The following L3MBTL3 variants were observed in gnomAD, a reference collection of about 807,000 sequenced individuals.
The protein encoded by L3MBTL3 is L3MBTL histone methyl-lysine binding protein 3.
L3MBTL3 carries 27 observed loss-of-function variants against 102.3 expected under a neutral mutation model. The observed-to-expected ratio is 0.26, with a 90% confidence interval of 0.19 to 0.36. The LOEUF is 0.36. Ranked by LOEUF, L3MBTL3 falls within the 10% of genes least tolerant of loss-of-function variation. L3MBTL3 has a pLI of 1.00. For synonymous variants in L3MBTL3, 340 were observed against 320.9 expected (o/e 1.06, Z -0.64); for missense variants, 798 against 955.3 (o/e 0.84, Z 2.17).
intron 15 of L3MBTL3, among the ~76,000 whole-genome samples, chr6:130,085,763 A>G (rs1019259573): frequency 7.9e-5 from 12 of 151,584 alleles, no homozygotes; most frequent in African/African-American, 2.9e-4. Context: ...TCTTTTTTTA[A>G]TTTTTATTTT....
intron 16 of L3MBTL3, 42 bp from the exon 17 acceptor site, chr6:130,092,703 T>G (rs778938683): frequency 7.7e-7 from 1 of 1,303,700 alleles, no homozygotes; most frequent in Non-Finnish European, 1.1e-6. Context: ...GTAGGAACTT[T>G]TATGACTTAA....
At position 130,087,121 on chromosome 6, in the gene L3MBTL3, C is replaced by G. The variant is rs533635948; in HGVS notation, c.1518+871C>G. ...GCTGTAGGAGTCTTAAGTTTATGCC[C>G]TTTTTAAAAAAATTACATTCTCAAC... On this transcript the variant is annotated intron_variant, in intron 16 of 22. Transcript: ENST00000361794. 1.4e-4 allele frequency among the ~76,000 whole-genome samples: 22 copies of G among 152,018 alleles called. No homozygotes were observed. In the South Asian group the frequency reaches 1.7e-3, roughly 12 times the overall value.
chr6:130,041,928 TC>T (rs1327613782), intron 2 of L3MBTL3, among the ~76,000 whole-genome samples: 2 of 152,200 alleles, frequency 1.3e-5, no homozygotes, highest in African/African-American at 4.8e-5. Context: ...CTAGATTCTT[TC>T]AGTGGACAAA....
intron 13 of L3MBTL3, among the ~76,000 whole-genome samples, chr6:130,076,280 C>G (rs1266483544): frequency 6.6e-6 from 1 of 152,166 alleles, no homozygotes; most frequent in East Asian, 1.9e-4. Context: ...TTGACTCTGG[C>G]TGAAACTGCA....
chr6:130,026,306 T>C (rs1023331836), intron 2 of L3MBTL3, among the ~76,000 whole-genome samples: 1 of 152,146 alleles, frequency 6.6e-6, no homozygotes, highest in Non-Finnish European at 1.5e-5. Context: ...CTGGGTATTA[T>C]TTTTTGTCTT....
chr6:130,083,661 GA>G lies in L3MBTL3; in HGVS notation c.1365del (p.Glu456LysfsTer14). 6.5e-7 allele frequency: 1 copy of G among 1,547,686 alleles called. No individual in the cohort carries two copies. Among genetic ancestry groups the G allele is most frequent in the Non-Finnish European group, 8.7e-7 (1 of 1,147,756 alleles). ...ACATTTTTCTTGGGATAAATACTTA[GA>G]AGAAACCAATTCTTTACCTGCTCCT... ...VKHFSWDKYLEETNSLPAPAR... is the reference protein window; with the variant it reads ...VKHFSWDKYLXETNSLPAPAR... On this transcript the variant is annotated frameshift_variant, in exon 15 of 23. Transcript: ENST00000361794. LOFTEE classifies it high-confidence loss of function.
rs574739858 is a variant in L3MBTL3 at position 130,105,863 on chromosome 6, C to T, written c.1886+1288C>T. 6.6e-5 allele frequency among the ~76,000 whole-genome samples: 10 copies of T among 152,230 alleles called. No homozygotes were observed. The South Asian group carries it at 1.5e-3, about 22-fold the overall frequency. ...TTGTCTGGTTGCTTGGTCCAAATACCTGGAGCCAAAGTCTTCTCACAGAGC... is the reference window on the plus strand; with the variant it reads ...TTGTCTGGTTGCTTGGTCCAAATACTTGGAGCCAAAGTCTTCTCACAGAGC... On this transcript the variant is annotated intron_variant, in intron 19 of 22. Coordinates refer to ENST00000361794, the MANE Select transcript of L3MBTL3 (RefSeq NM_032438.4).
At chr6:130,088,299 CA>C (rs1489770205) in intron 16 of L3MBTL3, among the ~76,000 whole-genome samples, 1 of 152,052 alleles carries the variant, frequency 6.6e-6, no homozygotes, top group Non-Finnish European at 1.5e-5. Context: ...ATACAGGGGT[CA>C]GTGACTAAGT....
Position 130,019,976 on chromosome 6 carries a change from AGGCGGCGGCGGCGGTCGC to A in L3MBTL3, c.-95+1325_-95+1342del, listed in dbSNP as rs1274727830. ...GGCGCGGGCGCGGGCGTGTGTCGGG[AGGCGGCGGCGGCGGTCGC>A]GGCGGCGGCGGCCGCGCCGGGGCGG... is the stretch of plus-strand genomic sequence containing the variant. On this transcript the variant is annotated intron_variant, in intron 1 of 22. Coordinates refer to ENST00000361794, the MANE Select transcript of L3MBTL3 (RefSeq NM_032438.4). Among the ~76,000 whole-genome samples, 279 of 64,330 alleles carry A rather than the reference AGGCGGCGGCGGCGGTCGC, an allele frequency of 4.3e-3. 6 individuals carry two copies. In the Admixed American group the frequency reaches 0.052, roughly 12 times the overall value. The allele number at this position is 64,330 out of a possible 152,430, so 42.2% of individuals were successfully genotyped here. A position where few individuals can be genotyped will look rare whatever the true frequency, so the allele number is the denominator to read the frequency against.
intron 3 of L3MBTL3, among the ~76,000 whole-genome samples, chr6:130,043,439 A>G (rs987352938): frequency 2.0e-5 from 3 of 152,138 alleles, no homozygotes; most frequent in Admixed American, 6.5e-5. Flanking sequence ...CCCCAAACCT[A>G]TTCCAGGACC....
chr6:130,134,566 A>G (rs904118001), intron 22 of L3MBTL3, among the ~76,000 whole-genome samples: 6 of 152,240 alleles, frequency 3.9e-5, no homozygotes, highest in African/African-American at 1.4e-4. Context: ...AGCGTACAGC[A>G]GGAGACCCTT....
rs1783493175 is a variant in L3MBTL3, at chr6:130,083,469, T to C, written c.1322-151T>C. 1.9e-5 allele frequency: 7 copies of C among 370,944 alleles called. No homozygotes were observed. The South Asian group carries it at 5.0e-4, about 26-fold the overall frequency. 23.0% of individuals were successfully genotyped at this position (370,944 alleles called of 1,614,324 possible). A position where few individuals can be genotyped will look rare whatever the true frequency, so the allele number is the denominator to read the frequency against. Reference sequence around the variant, plus strand: ...ATCAAGATGAAAACAATTTCATTATTACTAATAGCTCTGAATGTGTGAGTA... The same window carrying C: ...ATCAAGATGAAAACAATTTCATTATCACTAATAGCTCTGAATGTGTGAGTA... On this transcript the variant is annotated intron_variant, in intron 14 of 22. Transcript: ENST00000361794.
chr6:130,054,612 G>A (rs2114819092), intron 7 of L3MBTL3, among the ~76,000 whole-genome samples: 1 of 152,292 alleles, frequency 6.6e-6, no homozygotes, highest in Admixed American at 6.5e-5. Flanking sequence ...CTGAGAATGG[G>A]AAGATGAGGG....
At position 130,068,184 on chromosome 6, in the gene L3MBTL3, CAT is replaced by C. The variant is rs1158473932; in HGVS notation, c.1001-144_1001-143del. 8 of 543,330 alleles carry C rather than the reference CAT, an allele frequency of 1.5e-5. No homozygotes were observed. The East Asian group carries it at 2.0e-4, about 14-fold the overall frequency. The allele number at this position is 543,330 out of a possible 1,614,324, so 33.7% of individuals were successfully genotyped here. The stretch of plus-strand genomic sequence containing the variant: ...TGAAAATAAACATAGTCTAAATATG[CAT>C]AGTTATGAATTATGAGTTAAATTTT... On this transcript the variant is annotated intron_variant, in intron 11 of 22. Transcript: ENST00000361794.
At chr6:130,037,201 A>G (rs990016002) in intron 2 of L3MBTL3, among the ~76,000 whole-genome samples, 6 of 152,326 alleles carry the variant, frequency 3.9e-5, no homozygotes, top group Admixed American at 1.3e-4. Flanking sequence ...ATGCTATTAT[A>G]TTTATGGAGA....
rs1384700870 is a variant in L3MBTL3, at chr6:130,139,681, C to T, written c.2271C>T (p.Gly757=). 1 of 1,610,984 alleles carries T rather than the reference C, an allele frequency of 6.2e-7. No homozygotes were observed. Among genetic ancestry groups the T allele is most frequent in the African/African-American group, 1.3e-5 (1 of 74,838 alleles). ...TTAAAATTATGAGCATTAAACTGGGCCCTGCTCTCAAAATTTTCAATTCCA... is the reference window on the plus strand; with the variant it reads ...TTAAAATTATGAGCATTAAACTGGGTCCTGCTCTCAAAATTTTCAATTCCA... ...DIVKIMSIKL[G]PALKIFNSIL... is the part of the protein sequence containing the mutation. The change falls in exon 23 of 23, where the codon GGC becomes GGT. Residue 757 remains glycine, a synonymous_variant. Transcript: ENST00000361794.
chr6:130,064,222 T>C (rs1782095859), intron 10 of L3MBTL3, among the ~76,000 whole-genome samples: 1 of 152,180 alleles, frequency 6.6e-6, no homozygotes, highest in African/African-American at 2.4e-5. Flanking sequence ...AGAAAATGTT[T>C]TTTAAATGAT....
chr6:130,068,965 C>G (rs1490331070), intron 12 of L3MBTL3, among the ~76,000 whole-genome samples: 1 of 152,160 alleles, frequency 6.6e-6, no homozygotes, highest in East Asian at 1.9e-4. Context: ...TTTCTTTTCC[C>G]AAGTTCTGAT....
intron 10 of L3MBTL3, among the ~76,000 whole-genome samples, chr6:130,060,702 A>AT (rs34504067): frequency 0.13 from 18,128 of 143,340 alleles, 1,479 homozygotes; most frequent in Non-Finnish European, 0.2. Context: ...ACAGATACTT[A>AT]TTTTTTTTTT....
Sources: allele counts gnomAD v4.1 joint callset (sites outside exome capture counted in the v4.1 genomes callset), GRCh38; gene constraint gnomAD v4.1.1; transcripts MANE v1.5; gene names NCBI Gene and HGNC (gene_info 2026-07-23, HGNC 2026-07-21).